Variants in OCA2 observed in about 807,000 individuals in gnomAD.
The protein encoded by OCA2 is OCA2 melanosomal transmembrane protein.
Under a neutral mutation model 100.2 loss-of-function variants are expected in OCA2, and 77 were observed. The observed-to-expected ratio is 0.77, with a 90% CI of 0.64 to 0.93. The LOEUF (loss-of-function observed/expected upper bound fraction) is 0.93, where lower values mean the gene tolerates loss of function less well. Among genes scored for constraint, OCA2 ranks in the 40% least tolerant of loss-of-function variants. The pLI, the probability that OCA2 is intolerant of heterozygous loss-of-function variation, is 0.00. For synonymous variants in OCA2, 432 were observed against 439.2 expected, an observed-to-expected ratio of 0.98 and a Z score of 0.21; for missense variants, 1,062 against 1,089.1, an observed-to-expected ratio of 0.98 and a Z score of 0.35.
chr15:27,869,514 A>G (rs2036459065), intron 21 of OCA2, among the ~76,000 whole-genome samples: 1 of 152,250 alleles, frequency 6.6e-6, no homozygotes, highest in Non-Finnish European at 1.5e-5. Context: ...AATTTTAGGT[A>G]GTCATAAAAA....
intron 19 of OCA2, among the ~76,000 whole-genome samples, chr15:27,898,117 G>T (rs1294117790): frequency 6.6e-6 from 1 of 152,208 alleles, no homozygotes; most frequent in South Asian, 2.1e-4. Flanking sequence ...ATAGGCGGAA[G>T]GGACTTGCCT....
At chr15:27,744,892 T>C in the OCA2 span, among the ~76,000 whole-genome samples, 2 of 152,120 alleles carry the variant, frequency 1.3e-5, no homozygotes, top group Non-Finnish European at 2.9e-5. Flanking sequence ...CTCCTCCCTT[T>C]GGAATTCAGG....
At chr15:27,773,570 T>C (rs2032017044) in intron 23 of OCA2, among the ~76,000 whole-genome samples, 1 of 152,230 alleles carries the variant, frequency 6.6e-6, no homozygotes, top group African/African-American at 2.4e-5. Flanking sequence ...AGGCATTTTG[T>C]GTGGTTCATG....
intron 15 of OCA2, among the ~76,000 whole-genome samples, chr15:27,962,590 A>T (rs1166660222): frequency 6.6e-6 from 1 of 152,210 alleles, no homozygotes; most frequent in East Asian, 1.9e-4. Flanking sequence ...CTTCTACTGT[A>T]TGTTAGGTAG....
chr15:28,014,116 A>G (rs994730704), intron 9 of OCA2, among the ~76,000 whole-genome samples: 3 of 152,182 alleles, frequency 2.0e-5, no homozygotes, highest in South Asian at 2.1e-4. Flanking sequence ...CACATCATGC[A>G]CTGACCTTCC....
intron 21 of OCA2, among the ~76,000 whole-genome samples, chr15:27,869,872 AG>A (rs1401933733): frequency 2.6e-5 from 4 of 152,180 alleles, no homozygotes; most frequent in Non-Finnish European, 5.9e-5. Flanking sequence ...GCGCAGGGAG[AG>A]GTGGAGCCAG....
At chr15:27,872,400 C>T (rs2036613739) in intron 19 of OCA2, among the ~76,000 whole-genome samples, 1 of 152,170 alleles carries the variant, frequency 6.6e-6, no homozygotes, top group African/African-American at 2.4e-5. Context: ...TAACTATTTT[C>T]ACAGTACTAG....
chr15:28,053,764 C>T (rs2043591975), intron 2 of OCA2, among the ~76,000 whole-genome samples: 2 of 152,216 alleles, frequency 1.3e-5, no homozygotes, highest in Non-Finnish European at 2.9e-5. Flanking sequence ...ATTCTGGGCA[C>T]TTTGTCTCAC....
intron 18 of OCA2, among the ~76,000 whole-genome samples, chr15:27,951,468 T>C (rs2040024158): frequency 6.6e-6 from 1 of 152,174 alleles, no homozygotes; most frequent in Non-Finnish European, 1.5e-5. Context: ...TGTAAAGATG[T>C]GGTTATTAAC....
chr15:27,926,190 T>C lies in OCA2; in HGVS notation c.2016A>G (p.Ile672Met), dbSNP rs2039036719. The change falls in exon 19 of 24, where the codon ATA becomes ATG. Residue 672 changes from isoleucine to methionine, a missense_variant. Physicochemically the swap from Ile to Met is conservative, Grantham distance 10. Transcript: ENST00000354638. ...LILADIHDFE[I>M]ILHRVEWATL... ...TTGCCCATTCCACTCTGTGTAGAAT[T>C]ATCTCAAAATCATGAATATCAGCTA... The C allele has an allele frequency of 6.2e-7, 1 of 1,614,102 alleles. No individual in the cohort carries two copies. Among genetic ancestry groups the C allele is most frequent in the East Asian group, 2.2e-5 (1 of 44,864 alleles).
intron 2 of OCA2, among the ~76,000 whole-genome samples, chr15:28,052,048 C>G (rs918208664): frequency 4.6e-5 from 7 of 152,146 alleles, no homozygotes; most frequent in African/African-American, 1.7e-4. Flanking sequence ...CAGTGACCCC[C>G]CTCAGGAACC....
At chr15:27,734,568 C>A in the OCA2 span, among the ~76,000 whole-genome samples, 1 of 152,196 alleles carries the variant, frequency 6.6e-6, no homozygotes, top group Non-Finnish European at 1.5e-5. Flanking sequence ...TTAGTACCAG[C>A]AAACTAAGCT....
At chr15:27,873,978 T>C (rs1400212466) in intron 19 of OCA2, among the ~76,000 whole-genome samples, 1 of 152,228 alleles carries the variant, frequency 6.6e-6, no homozygotes, top group African/African-American at 2.4e-5. Context: ...AAGATGATTG[T>C]GTGGTATAAA....
intron 14 of OCA2, among the ~76,000 whole-genome samples, chr15:27,969,713 A>C (rs920932059): frequency 1.3e-5 from 2 of 152,174 alleles, no homozygotes; most frequent in South Asian, 4.1e-4. Flanking sequence ...ACCCTCAATC[A>C]GATCAGAACA....
At chr15:27,866,046 T>C (rs775264863) in intron 21 of OCA2, among the ~76,000 whole-genome samples, 1 of 152,100 alleles carries the variant, frequency 6.6e-6, no homozygotes, top group Non-Finnish European at 1.5e-5. Flanking sequence ...GGATTTACTA[T>C]GAATGAGTTG....
At chr15:27,990,734 T>A in intron 9 of OCA2, 87 bp from the exon 10 acceptor site, 1 of 1,081,880 alleles carries the variant, frequency 9.2e-7, no homozygotes, top group Non-Finnish European at 1.4e-6. Context: ...AGGGGGTCTA[T>A]ATCTGCCACT....
chr15:28,087,843 C>T (rs1036288165), intron 1 of OCA2, among the ~76,000 whole-genome samples: 18 of 152,110 alleles, frequency 1.2e-4, no homozygotes, highest in Non-Finnish European at 1.0e-4. Context: ...GGGTGGATCA[C>T]CTGAGGTCAG....
chr15:27,820,403 A>G (rs2034462009), intron 23 of OCA2, among the ~76,000 whole-genome samples: 1 of 152,182 alleles, frequency 6.6e-6, no homozygotes, highest in Non-Finnish European at 1.5e-5. Flanking sequence ...GTATGATGAA[A>G]ATGACACTTC....
intron 23 of OCA2, among the ~76,000 whole-genome samples, chr15:27,828,484 CA>C (rs1288370684): frequency 2.0e-5 from 3 of 152,136 alleles, no homozygotes; most frequent in African/African-American, 7.2e-5. Flanking sequence ...CAGAGTTTTG[CA>C]GAGCATTTTG....
Sources: allele counts gnomAD v4.1 joint callset (sites outside exome capture counted in the v4.1 genomes callset), GRCh38; gene constraint gnomAD v4.1.1; transcripts MANE v1.5; gene names NCBI Gene and HGNC (gene_info 2026-07-23, HGNC 2026-07-21).